CSF2RB: variants seen among roughly 807,000 people sequenced by gnomAD.
CSF2RB encodes the protein cytokine receptor common subunit beta.
Under a neutral mutation model 67.2 loss-of-function variants are expected in CSF2RB, and 22 were observed. The observed-to-expected ratio is 0.33, with a 90% CI of 0.23 to 0.47. The LOEUF (loss-of-function observed/expected upper bound fraction) is 0.47, where lower values mean the gene tolerates loss of function less well. Ranked by LOEUF, CSF2RB falls within the 20% of genes least tolerant of loss-of-function variation. The pLI, the probability that CSF2RB is intolerant of heterozygous loss-of-function variation, is 1.00. For synonymous variants in CSF2RB, 507 were observed against 482.9 expected, an observed-to-expected ratio of 1.05 and a Z score of -0.65; for missense variants, 1,113 against 1,174.5, an observed-to-expected ratio of 0.95 and a Z score of 0.76.
intron 3 of CSF2RB, among the ~76,000 whole-genome samples, chr22:36,925,733 C>T (rs1043184943): frequency 6.6e-6 from 1 of 152,188 alleles, no homozygotes; most frequent in Non-Finnish European, 1.5e-5. Context: ...CTGGCCCAGC[C>T]CTTCCTCCCT....
intron 10 of CSF2RB, among the ~76,000 whole-genome samples, 179 bp downstream of exon 10, chr22:36,934,173 T>C (rs1181280734): frequency 6.6e-6 from 1 of 152,148 alleles, no homozygotes; most frequent in Admixed American, 6.5e-5. Context: ...ACCTCCCACC[T>C]GGTCATCAGA....
Position 36,919,277 on chromosome 22 carries a change from G to T in CSF2RB, c.-172-2759G>T, listed in dbSNP as rs982318402. On this transcript the variant is annotated intron_variant, in intron 1 of 13. Coordinates refer to ENST00000403662, the MANE Select transcript of CSF2RB (RefSeq NM_000395.3). ...CCTGCTTCTGAATGCTGGAATTTTTGAATTTCTTTCCCAAACCTAAAGTTT... is the reference window on the plus strand; with the variant it reads ...CCTGCTTCTGAATGCTGGAATTTTTTAATTTCTTTCCCAAACCTAAAGTTT... 5.3e-5 allele frequency among the ~76,000 whole-genome samples: 8 copies of T among 152,122 alleles called. No homozygotes were observed. In the East Asian group the frequency reaches 1.2e-3, roughly 22 times the overall value.
chr22:36,934,088 T>C, intron 10 of CSF2RB, 94 bp downstream of exon 10: 1 of 1,514,004 alleles, frequency 6.6e-7, no homozygotes, highest in Non-Finnish European at 9.0e-7. Flanking sequence ...GTAGCAGGCC[T>C]GCAACAACTT....
At chr22:36,922,345 G>T in intron 2 of CSF2RB, 62 bp downstream of exon 2, 1 of 1,464,374 alleles carries the variant, frequency 6.8e-7, no homozygotes, top group Non-Finnish European at 9.4e-7. Context: ...CCCTGGGGGA[G>T]GGCCGCAGCG....
chr22:36,927,281 C>T (rs962846908), intron 4 of CSF2RB, among the ~76,000 whole-genome samples: 3 of 152,186 alleles, frequency 2.0e-5, no homozygotes, highest in Non-Finnish European at 2.9e-5. Flanking sequence ...CCTTCCTTCC[C>T]GAATGGAGCT....
In CSF2RB at chr22:36,930,438, C is replaced by A. The variant is rs1455079333; in HGVS notation, c.782C>A (p.Ser261Tyr). Reference protein sequence around the residue: ...FFDGAAVLSCSWEVRKEVASS... With the variant: ...FFDGAAVLSCYWEVRKEVASS... ...GACGGGGCCGCCGTGCTCAGCTGCTCCTGGGAGGTGAGGAAGGAGGTGGCC... is the reference window on the plus strand; with the variant it reads ...GACGGGGCCGCCGTGCTCAGCTGCTACTGGGAGGTGAGGAAGGAGGTGGCC... The change falls in exon 7 of 14, where the codon TCC becomes TAC. Residue 261 changes from serine (S) to tyrosine (Y), a missense_variant. This residue lies in a region of CSF2RB where 559 missense variants were observed against 656.5 expected (regional missense o/e 0.85). Coordinates refer to ENST00000403662, the MANE Select transcript of CSF2RB (RefSeq NM_000395.3). 6.2e-7 allele frequency: 1 copy of A among 1,613,800 alleles called. No individual in the cohort carries two copies.
Position 36,929,754 on chromosome 22 carries a change from T to C in CSF2RB, c.665T>C (p.Leu222Pro). 6.2e-7 allele frequency: 1 copy of C among 1,614,066 alleles called. No individual in the cohort carries two copies. The stretch of plus-strand genomic sequence containing the variant: ...ACCCGCCTGGCCCCAGGTTCTCGGC[T>C]CTCAGGACGTCCCAGCAAGTGGAGC... Reference protein sequence around the residue: ...VRTRLAPGSRLSGRPSKWSPE... With the variant: ...VRTRLAPGSRPSGRPSKWSPE... The change falls in exon 6 of 14, where the codon CTC becomes CCC. Residue 222 changes from leucine (L) to proline (P), a missense_variant. By Grantham distance (98) the Leu-to-Pro change is moderately conservative. This residue lies in a region of CSF2RB where 559 missense variants were observed against 656.5 expected (regional missense o/e 0.85). Coordinates refer to ENST00000403662, the MANE Select transcript of CSF2RB (RefSeq NM_000395.3).
In CSF2RB at chr22:36,939,371, C is replaced by A. The variant is rs1224516057; in HGVS notation, c.*869C>A. ...GAAACTGCCAAACAAAGGAAAATGC[C>A]CCAAAGGCATATATGCTTTAGGGCC... On this transcript the variant is annotated 3_prime_UTR_variant, in exon 14 of 14. Transcript: ENST00000403662. 1.3e-5 allele frequency: 9 copies of A among 677,838 alleles called. No individual in the cohort carries two copies. The highest frequency in any genetic ancestry group is 5.4e-6 in the Non-Finnish European group (2 of 372,094). 42.0% of individuals were successfully genotyped at this position (677,838 alleles called of 1,614,324 possible). A position where few individuals can be genotyped will look rare whatever the true frequency, so the allele number is the denominator to read the frequency against.
At chr22:36,930,132 C>T (rs1467304249) in intron 6 of CSF2RB, among the ~76,000 whole-genome samples, 1 of 152,184 alleles carries the variant, frequency 6.6e-6, no homozygotes, top group Non-Finnish European at 1.5e-5. Flanking sequence ...CAGTTCAATC[C>T]CCAAACACTG....
At chr22:36,931,752 C>T (rs1196365761) in intron 8 of CSF2RB, among the ~76,000 whole-genome samples, 2 of 152,188 alleles carry the variant, frequency 1.3e-5, no homozygotes, top group Non-Finnish European at 1.5e-5. Context: ...GTGGGTCTGC[C>T]GGCCAGGTGG....
In CSF2RB at chr22:36,920,350, C is replaced by T. The variant is rs111964607; in HGVS notation, c.-172-1686C>T. 6.7e-3 allele frequency among the ~76,000 whole-genome samples: 1,018 copies of T among 152,316 alleles called. 12 individuals are homozygous for T. The highest frequency in any genetic ancestry group is 0.024 in the African/African-American group (990 of 41,558). ...CAAGTTTATGTTGCAACCTAATCCCCAATGTGAGAATATCTGGAGGTAGTG... is the reference window on the plus strand; with the variant it reads ...CAAGTTTATGTTGCAACCTAATCCCTAATGTGAGAATATCTGGAGGTAGTG... On this transcript the variant is annotated intron_variant, in intron 1 of 13. Coordinates refer to ENST00000403662, the MANE Select transcript of CSF2RB (RefSeq NM_000395.3).
chr22:36,929,127 G>A (rs936216079), intron 4 of CSF2RB, among the ~76,000 whole-genome samples: 2 of 152,238 alleles, frequency 1.3e-5, no homozygotes, highest in African/African-American at 4.8e-5. Context: ...GGACAGAGGA[G>A]GCTCCAATGA....
chr22:36,915,590 G>A (rs540728425), intron 1 of CSF2RB, among the ~76,000 whole-genome samples: 1 of 151,950 alleles, frequency 6.6e-6, no homozygotes, highest in African/African-American at 2.4e-5. Context: ...CACGTTGATC[G>A]ACACCTAGAT....
At position 36,939,341 on chromosome 22, in the gene CSF2RB, C is replaced by A. The variant is rs1941341443; in HGVS notation, c.*839C>A. On this transcript the variant is annotated 3_prime_UTR_variant, in exon 14 of 14. Coordinates refer to ENST00000403662, the MANE Select transcript of CSF2RB (RefSeq NM_000395.3). ...GAGCCCACGTCTACTGCGGAAAAGTCAGGGGAAACTGCCAAACAAAGGAAA... is the reference window on the plus strand; with the variant it reads ...GAGCCCACGTCTACTGCGGAAAAGTAAGGGGAAACTGCCAAACAAAGGAAA... 5.8e-6 allele frequency: 4 copies of A among 692,876 alleles called. No homozygotes were observed. The highest frequency in any genetic ancestry group is 1.1e-5 in the Non-Finnish European group (4 of 379,810). 42.9% of individuals were successfully genotyped at this position (692,876 alleles called of 1,614,324 possible). A position where few individuals can be genotyped will look rare whatever the true frequency, so the allele number is the denominator to read the frequency against.
In CSF2RB at chr22:36,936,616, A is replaced by G. The variant is rs960069015; in HGVS notation, c.1532A>G (p.Gln511Arg). The G allele has an allele frequency of 3.1e-6, 5 of 1,613,462 alleles. No homozygotes were observed. The highest frequency in any genetic ancestry group is 3.3e-5 in the Admixed American group (2 of 60,016). Residue 511 changes from glutamine (Q) to arginine (R), a missense_variant, in exon 13 of 14, where the codon CAG (glutamine) becomes CGG (arginine). This residue lies in a region of CSF2RB where 554 missense variants were observed against 517.9 expected (regional missense o/e 1.07). Transcript: ENST00000403662. The stretch of plus-strand genomic sequence containing the variant: ...TTCACTAGCGGGAGTCCCCCACACC[A>G]GGGGCCGTGGGGCAGCCGCTTCCCT... Reference protein sequence around the residue: ...SAFTSGSPPHQGPWGSRFPEL... With the variant: ...SAFTSGSPPHRGPWGSRFPEL...
chr22:36,923,957 C>T (rs566059158), intron 3 of CSF2RB: 10 of 381,008 alleles, frequency 2.6e-5, no homozygotes, highest in Non-Finnish European at 4.0e-5. Context: ...CTCCTGGGCA[C>T]GTGCCACAAG....
At chr22:36,915,422 T>TTATATATA (rs35022648) in intron 1 of CSF2RB, among the ~76,000 whole-genome samples, 145 of 146,406 alleles carry the variant, frequency 9.9e-4, no homozygotes, top group African/African-American at 2.9e-3. Context: ...ATTATTTTAT[T>TTATATATA]TATATATATA....
At position 36,931,548 on chromosome 22, in the gene CSF2RB, A is replaced by G. The variant is rs150076272; in HGVS notation, c.1012+718A>G. 3.9e-5 allele frequency among the ~76,000 whole-genome samples: 6 copies of G among 152,372 alleles called. No individual in the cohort carries two copies. The East Asian group carries it at 7.7e-4, about 20-fold the overall frequency. ...AGACCTCAGCAAATTACGGGCATTC[A>G]TATTATGTTTATACAGTGAAGGCAT... is the stretch of plus-strand genomic sequence containing the variant. On this transcript the variant is annotated intron_variant, in intron 8 of 13. Transcript: ENST00000403662.
Position 36,939,267 on chromosome 22 carries a change from A to C in CSF2RB, c.*765A>C. 1.4e-6 allele frequency: 1 copy of C among 702,206 alleles called. No homozygotes were observed. The highest frequency in any genetic ancestry group is 2.0e-5 in the Admixed American group (1 of 50,002). The allele number at this position is 702,206 out of a possible 1,614,324, so 43.5% of individuals were successfully genotyped here. A position where few individuals can be genotyped will look rare whatever the true frequency, so the allele number is the denominator to read the frequency against. ...GTCATGTAGAGAAGTTAACGGCCCAAGTGGTGGGCAGGCTGGCGGGACCTG... is the reference window on the plus strand; with the variant it reads ...GTCATGTAGAGAAGTTAACGGCCCACGTGGTGGGCAGGCTGGCGGGACCTG... On this transcript the variant is annotated 3_prime_UTR_variant, in exon 14 of 14. Transcript: ENST00000403662.
Sources: gnomAD v4.1 joint callset for allele counts (sites outside exome capture counted in the v4.1 genomes callset) on GRCh38, gnomAD v4.1.1 for gene constraint, gnomAD v4.1.1 regional missense constraint, MANE v1.5 for transcripts, NCBI Gene and HGNC (gene_info 2026-07-23, HGNC 2026-07-21) for gene names.